The following CACNA2D1 variants were observed in gnomAD, a reference collection of about 807,000 sequenced individuals.
The protein encoded by CACNA2D1 is voltage-dependent calcium channel subunit alpha-2/delta-1.
CACNA2D1 carries 53 observed loss-of-function variants against 171.5 expected under a neutral mutation model. The ratio of observed to expected loss-of-function variants is 0.31; its 90% confidence interval spans 0.25 to 0.39. The LOEUF (loss-of-function observed/expected upper bound fraction) is 0.39. CACNA2D1 is among the 10% of genes least tolerant of loss of function. CACNA2D1 has a pLI of 1.00. For missense variants in CACNA2D1, 903 were observed against 1,299.8 expected, an observed-to-expected ratio of 0.69 and a Z score of 4.69; for synonymous variants, 442 against 443.1, an observed-to-expected ratio of 1.00 and a Z score of 0.03.
At chr7:82,443,273 G>A (rs1455674840) in intron 1 of CACNA2D1, 92 bp downstream of exon 1, 14 of 1,308,302 alleles carry the variant, frequency 1.1e-5, no homozygotes, top group Non-Finnish European at 1.5e-5. Flanking sequence ...ACCCCCACGG[G>A]CGGAAAAGCC....
At chr7:82,349,434 C>G in intron 2 of CACNA2D1, 134 bp downstream of exon 2, 1 of 800,170 alleles carries the variant, frequency 1.2e-6, no homozygotes, top group South Asian at 1.4e-5. Flanking sequence ...AATGGTTTCT[C>G]TCAGAATTTC....
At chr7:82,434,504 T>C (rs1829957278) in intron 1 of CACNA2D1, among the ~76,000 whole-genome samples, 1 of 152,098 alleles carries the variant, frequency 6.6e-6, no homozygotes, top group South Asian at 2.1e-4. Flanking sequence ...AGTTATTTTT[T>C]CTGATCCTCT....
intron 3 of CACNA2D1, among the ~76,000 whole-genome samples, chr7:82,273,691 C>T (rs531040755): frequency 6.6e-6 from 1 of 152,032 alleles, no homozygotes; most frequent in Non-Finnish European, 1.5e-5. Context: ...AATAGGAAAA[C>T]ATTCTGAATA....
At chr7:82,072,053 G>A (rs894119147) in intron 7 of CACNA2D1, among the ~76,000 whole-genome samples, 17 of 152,072 alleles carry the variant, frequency 1.1e-4, no homozygotes, top group Non-Finnish European at 1.6e-4. Context: ...TTTTTCCTCC[G>A]AGTATTTTTT....
At chr7:82,160,280 T>C (rs954143884) in intron 4 of CACNA2D1, among the ~76,000 whole-genome samples, 10 of 151,968 alleles carry the variant, frequency 6.6e-5, no homozygotes, top group African/African-American at 2.4e-4. Context: ...CAACTCAGAT[T>C]AGAGCATTCT....
At chr7:82,196,335 T>G (rs1245582154) in intron 3 of CACNA2D1, among the ~76,000 whole-genome samples, 1 of 152,034 alleles carries the variant, frequency 6.6e-6, no homozygotes, top group Non-Finnish European at 1.5e-5. Flanking sequence ...CTATGAGGTT[T>G]GGATTTTGTC....
chr7:82,331,236 G>A (rs1219804647), intron 3 of CACNA2D1, among the ~76,000 whole-genome samples: 1 of 151,968 alleles, frequency 6.6e-6, no homozygotes, highest in African/African-American at 2.4e-5. Flanking sequence ...ACTCAATAAA[G>A]CCTAACTGGT....
chr7:82,105,731 G>A (rs1787682513), intron 6 of CACNA2D1, among the ~76,000 whole-genome samples: 1 of 152,006 alleles, frequency 6.6e-6, no homozygotes, highest in Non-Finnish European at 1.5e-5. Flanking sequence ...AACAACAACT[G>A]ATCTTCACAG....
At chr7:81,980,912 T>C (rs1796376051) in intron 24 of CACNA2D1, among the ~76,000 whole-genome samples, 1 of 152,170 alleles carries the variant, frequency 6.6e-6, no homozygotes. Flanking sequence ...TAGGTAGAAC[T>C]TTCCAAAGGA....
chr7:82,324,403 A>AT lies in CACNA2D1; in HGVS notation c.294+10731_294+10732insA, dbSNP rs398085928. ...GAAGGAGTTGTTTTAAAAAAAAAAA[A>AT]ACTTCACTGCTAACCTTTAAATAAT... is the stretch of plus-strand genomic sequence containing the variant. On this transcript the variant is annotated intron_variant, in intron 3 of 38. Transcript: ENST00000356860. 9.2e-5 allele frequency among the ~76,000 whole-genome samples: 14 copies of AT among 151,510 alleles called. No individual in the cohort carries two copies. The South Asian group carries it at 1.1e-3, about 11-fold the overall frequency.
chr7:81,967,030 A>C, intron 31 of CACNA2D1, 139 bp downstream of exon 31: 1 of 637,318 alleles, frequency 1.6e-6, no homozygotes, highest in Non-Finnish European at 2.8e-6. Flanking sequence ...AATTCAAATG[A>C]ATATATTATT....
intron 20 of CACNA2D1, among the ~76,000 whole-genome samples, chr7:81,992,374 T>C (rs1797635521): frequency 6.6e-6 from 1 of 152,130 alleles, no homozygotes; most frequent in South Asian, 2.1e-4. Flanking sequence ...AAATATATAA[T>C]GCCAAATTCA....
intron 1 of CACNA2D1, among the ~76,000 whole-genome samples, chr7:82,407,798 T>G (rs1197275163): frequency 6.6e-6 from 1 of 152,108 alleles, no homozygotes; most frequent in African/African-American, 2.4e-5. Flanking sequence ...CAATAAATCA[T>G]TTTTGAACAA....
intron 1 of CACNA2D1, among the ~76,000 whole-genome samples, chr7:82,395,375 A>G (rs972688877): frequency 1.3e-5 from 2 of 152,208 alleles, no homozygotes; most frequent in Admixed American, 1.3e-4. Context: ...GTTTGCTGCC[A>G]TGGAAGCTAA....
chr7:82,292,975 C>T (rs1811836695), intron 3 of CACNA2D1, among the ~76,000 whole-genome samples: 2 of 151,880 alleles, frequency 1.3e-5, no homozygotes, highest in Admixed American at 1.3e-4. Flanking sequence ...ATTTCTTCCC[C>T]TTGATTTTTT....
In CACNA2D1 at chr7:82,037,104, G is replaced by T. The variant is rs1803370091; in HGVS notation, c.1038+973C>A. Among the ~76,000 whole-genome samples the T allele has an allele frequency of 2.0e-5, 3 of 152,146 alleles. No homozygotes were observed. In the South Asian group the frequency reaches 6.2e-4, roughly 32 times the overall value. On this transcript the variant is annotated intron_variant, in intron 11 of 38. Coordinates refer to ENST00000356860, the MANE Select transcript of CACNA2D1 (RefSeq NM_000722.4). ...TTGCCTAGTAAGAAATAAAATAATTGAACAATGGTCCCTGCTTTTAAGTAA... is the reference window on the plus strand; with the variant it reads ...TTGCCTAGTAAGAAATAAAATAATTTAACAATGGTCCCTGCTTTTAAGTAA...
intron 1 of CACNA2D1, among the ~76,000 whole-genome samples, chr7:82,350,507 T>C (rs893872608): frequency 6.6e-6 from 1 of 151,912 alleles, no homozygotes; most frequent in Non-Finnish European, 1.5e-5. Context: ...CTACTAAAAA[T>C]ACAAAAAACT....
chr7:82,122,379 C>CT (rs1445619329), intron 5 of CACNA2D1, among the ~76,000 whole-genome samples: 1 of 152,128 alleles, frequency 6.6e-6, no homozygotes, highest in East Asian at 1.9e-4. Context: ...AATACAGAAC[C>CT]TGAGGACATC....
In CACNA2D1 at chr7:82,443,602, G is replaced by T. The variant is rs1055285649; in HGVS notation, c.-143C>A. On this transcript the variant is annotated 5_prime_UTR_variant, in exon 1 of 39. Transcript: ENST00000356860. ...TGGCTGCGCCCGGGGCCCGAGGCGC[G>T]GAGCCGCGCGGGGGACGGCAAGGGC... is the stretch of plus-strand genomic sequence containing the variant. The T allele has an allele frequency of 5.1e-6, 7 of 1,380,740 alleles. No individual in the cohort carries two copies. The highest frequency in any genetic ancestry group is 6.5e-6 in the Non-Finnish European group (7 of 1,072,190). 85.5% of individuals were successfully genotyped at this position (1,380,740 alleles called of 1,614,324 possible).
Sources: gnomAD v4.1 joint callset for allele counts (sites outside exome capture counted in the v4.1 genomes callset) on GRCh38, gnomAD v4.1.1 for gene constraint, MANE v1.5 for transcripts, NCBI Gene and HGNC (gene_info 2026-07-23, HGNC 2026-07-21) for gene names.